Variants in NOL4 observed in about 807,000 individuals in gnomAD.
NOL4 encodes cancer/testis antigen 125.
In NOL4, 17 loss-of-function variants were observed where a neutral mutation model predicts 75.9. The ratio of observed to expected loss-of-function variants is 0.22; its 90% CI spans 0.15 to 0.34. NOL4 has a LOEUF of 0.34. NOL4 is among the 10% of genes least tolerant of loss of function. The pLI is 1.00. For missense variants in NOL4, 614 were observed against 793.5 expected (o/e 0.77, Z 2.72); for synonymous variants, 292 against 289.9 (o/e 1.01, Z -0.07).
At chr18:34,066,462 GA>G (rs1223862098) in intron 5 of NOL4, among the ~76,000 whole-genome samples, 41 of 151,810 alleles carry the variant, frequency 2.7e-4, no homozygotes, top group Admixed American at 6.6e-5. Flanking sequence ...GCTATGAAGA[GA>G]AAATATTCTG....
At chr18:34,058,096 C>T (rs538012049) in intron 5 of NOL4, among the ~76,000 whole-genome samples, 3 of 152,206 alleles carry the variant, frequency 2.0e-5, no homozygotes, top group African/African-American at 7.2e-5. Flanking sequence ...CTCACATCTC[C>T]AGGTCTATAT....
chr18:34,093,041 T>C (rs2145546505), intron 5 of NOL4, among the ~76,000 whole-genome samples: 1 of 152,298 alleles, frequency 6.6e-6, no homozygotes, highest in East Asian at 1.9e-4. Flanking sequence ...TATCTAGTGA[T>C]TCTTAGTTGA....
At chr18:34,002,701 C>A (rs1046402503) in intron 6 of NOL4, among the ~76,000 whole-genome samples, 1 of 152,032 alleles carries the variant, frequency 6.6e-6, no homozygotes, top group Non-Finnish European at 1.5e-5. Flanking sequence ...AAACACTTTG[C>A]ATCAAAATGT....
At chr18:34,131,983 T>C (rs1183311549) in intron 1 of NOL4, among the ~76,000 whole-genome samples, 3 of 152,218 alleles carry the variant, frequency 2.0e-5, no homozygotes, top group South Asian at 2.1e-4. Flanking sequence ...AAGAGTACTT[T>C]ATTTTCTCAT....
intron 2 of NOL4, among the ~76,000 whole-genome samples, chr18:34,121,812 A>C (rs938168888): frequency 6.6e-6 from 1 of 152,170 alleles, no homozygotes; most frequent in Non-Finnish European, 1.5e-5. Flanking sequence ...TGACTTTTGC[A>C]AATAGAGAAC....
intron 9 of NOL4, among the ~76,000 whole-genome samples, chr18:33,924,874 C>T (rs940882039): frequency 6.6e-6 from 1 of 151,962 alleles, no homozygotes; most frequent in East Asian, 1.9e-4. Context: ...GATGGGTCTA[C>T]AAATAAACAT....
chr18:34,070,894 T>C (rs2077484874), intron 5 of NOL4, among the ~76,000 whole-genome samples: 1 of 152,268 alleles, frequency 6.6e-6, no homozygotes, highest in Non-Finnish European at 1.5e-5. Flanking sequence ...TGAACAAGTG[T>C]AATATATAAA....
intron 9 of NOL4, among the ~76,000 whole-genome samples, chr18:33,940,098 T>C (rs2068363038): frequency 6.6e-6 from 1 of 152,082 alleles, no homozygotes; most frequent in African/African-American, 2.4e-5. Flanking sequence ...TTTCACACTG[T>C]TGGTGGAAGT....
chr18:34,003,603 T>C (rs1249315819), intron 6 of NOL4, among the ~76,000 whole-genome samples: 1 of 152,118 alleles, frequency 6.6e-6, no homozygotes, highest in East Asian at 1.9e-4. Flanking sequence ...TCAGTATGCA[T>C]ATGATACCTT....
intron 6 of NOL4, among the ~76,000 whole-genome samples, chr18:33,979,171 AGAAG>A (rs1467961907): frequency 6.6e-6 from 1 of 152,136 alleles, no homozygotes; most frequent in Non-Finnish European, 1.5e-5. Context: ...GTAAAACCTT[AGAAG>A]GAAGACTCAA....
rs1231904602 is a variant in NOL4, at chr18:33,883,399, T to C, written c.1568A>G (p.Gln523Arg). Residue 523 changes from glutamine (Q) to arginine (R), a missense_variant, in exon 10 of 11, where the codon CAG becomes CGG. Physicochemically the swap from Gln to Arg is conservative, Grantham distance 43. Around this residue, in one of 9 missense-constraint regions of NOL4, gnomAD observed 128 missense variants for 159.9 expected, o/e 0.80. Transcript: ENST00000261592. ...GGCCTGGGTCGCCTCTGGTTTACAC[T>C]GTTTGTCAGCTGGAGCAGACTCATC... ...QQDESAPADK[Q>R]CKPEATQATY... The C allele has an allele frequency of 2.5e-6, 4 of 1,609,768 alleles. No homozygotes were observed. The African/African-American group carries it at 5.4e-5, about 22-fold the overall frequency.
At chr18:34,170,178 AT>A (rs201918434) in intron 1 of NOL4, among the ~76,000 whole-genome samples, 2,219 of 141,110 alleles carry the variant, frequency 0.016, 19 homozygotes, top group Non-Finnish European at 0.022. Flanking sequence ...TTTAAGAACT[AT>A]TTTTTTTTTT....
chr18:34,138,360 T>C (rs985117519), intron 1 of NOL4, among the ~76,000 whole-genome samples: 1 of 152,052 alleles, frequency 6.6e-6, no homozygotes, highest in Non-Finnish European at 1.5e-5. Context: ...CGTGATTGTG[T>C]CCCTGCATTT....
At chr18:33,858,165 C>A (rs545534781) in intron 10 of NOL4, among the ~76,000 whole-genome samples, 1 of 151,992 alleles carries the variant, frequency 6.6e-6, no homozygotes, top group African/African-American at 2.4e-5. Flanking sequence ...TGCCATAATG[C>A]TAAAAGTCTT....
chr18:33,987,515 G>A (rs1428637897), intron 6 of NOL4, among the ~76,000 whole-genome samples: 1 of 152,018 alleles, frequency 6.6e-6, no homozygotes, highest in Non-Finnish European at 1.5e-5. Context: ...GTCTTAAGCT[G>A]GAAAAGAATA....
intron 9 of NOL4, among the ~76,000 whole-genome samples, chr18:33,932,527 C>T (rs912703066): frequency 6.6e-6 from 1 of 151,588 alleles, no homozygotes; most frequent in African/African-American, 2.4e-5. Flanking sequence ...CATAATTTAT[C>T]CTAAAAAATA....
chr18:33,937,692 C>T (rs984328219), intron 9 of NOL4, among the ~76,000 whole-genome samples: 2 of 152,034 alleles, frequency 1.3e-5, no homozygotes, highest in Non-Finnish European at 2.9e-5. Context: ...CAATTACATG[C>T]TTTGGTAGGA....
At chr18:34,163,666 C>T (rs1405988848) in intron 1 of NOL4, among the ~76,000 whole-genome samples, 1 of 152,090 alleles carries the variant, frequency 6.6e-6, no homozygotes, top group Non-Finnish European at 1.5e-5. Context: ...CTATACTGCC[C>T]AAGGTAATTT....
chr18:34,214,942 T>C (rs1293670653), intron 1 of NOL4, among the ~76,000 whole-genome samples: 1 of 152,196 alleles, frequency 6.6e-6, no homozygotes, highest in African/African-American at 2.4e-5. Context: ...ATTCCACTTA[T>C]ATGAGGCATC....
Sources: allele counts gnomAD v4.1 joint callset (sites outside exome capture counted in the v4.1 genomes callset), GRCh38; gene constraint gnomAD v4.1.1; regional missense constraint gnomAD v4.1.1; transcripts MANE v1.5; gene names NCBI Gene and HGNC (gene_info 2026-07-23, HGNC 2026-07-21).